The following PARD3 variants were observed in gnomAD, a reference collection of about 807,000 sequenced individuals.
PARD3 encodes partitioning defective 3 homolog.
Under a neutral mutation model 155.4 loss-of-function variants are expected in PARD3, and 75 were observed. That is an observed-to-expected ratio of 0.48 (90% CI 0.40 to 0.58). The LOEUF is 0.58. Ranked by LOEUF, PARD3 falls within the 20% of genes least tolerant of loss-of-function variation. The probability of loss-of-function intolerance (pLI) is 0.00; values close to 1 mark genes in which losing one functional copy is unlikely to be tolerated. For synonymous variants in PARD3, 576 were observed against 610.5 expected (o/e 0.94, Z 0.83); for missense variants, 1,642 against 1,721.7 (o/e 0.95, Z 0.82).
At chr10:34,560,738 T>C (rs959021624) in intron 2 of PARD3, among the ~76,000 whole-genome samples, 1 of 152,210 alleles carries the variant, frequency 6.6e-6, no homozygotes, top group Non-Finnish European at 1.5e-5. Context: ...GCAGAAACCA[T>C]GGCGTGTCCA....
chr10:34,123,143 A>G (rs1947094824), intron 23 of PARD3, among the ~76,000 whole-genome samples: 1 of 152,186 alleles, frequency 6.6e-6, no homozygotes, highest in Non-Finnish European at 1.5e-5. Context: ...CCTTTTAAAT[A>G]AAAAAAAAAC....
intron 1 of PARD3, among the ~76,000 whole-genome samples, chr10:34,785,892 A>G (rs149307197): frequency 6.6e-6 from 1 of 152,352 alleles, no homozygotes; most frequent in African/African-American, 2.4e-5. Context: ...ACAGAACCCT[A>G]GTTCAAAGAA....
At chr10:34,653,964 C>T (rs578001116) in intron 2 of PARD3, among the ~76,000 whole-genome samples, 2 of 152,222 alleles carry the variant, frequency 1.3e-5, no homozygotes, top group African/African-American at 4.8e-5. Flanking sequence ...TGCCCATGTA[C>T]ACAGACATGC....
intron 22 of PARD3, among the ~76,000 whole-genome samples, chr10:34,157,152 A>G (rs1246749404): frequency 6.6e-6 from 1 of 152,244 alleles, no homozygotes; most frequent in East Asian, 1.9e-4. Context: ...AGATCTGCAC[A>G]CTTGCTAGGG....
rs143082327 is a variant in PARD3 at position 34,759,885 on chromosome 10, C to A, written c.120+54991G>T. Among the ~76,000 whole-genome samples the A allele has an allele frequency of 9.1e-4, 138 of 152,316 alleles. 1 individual carries two copies. Among genetic ancestry groups the A allele is most frequent in the African/African-American group, 3.2e-3 (131 of 41,570 alleles). On this transcript the variant is annotated intron_variant, in intron 1 of 24. Transcript: ENST00000374788. ...GTGAAAAGCTCTGCACATACTGCTG[C>A]GCTTTCTGATTTTTGTCTACTTTAT... is the stretch of plus-strand genomic sequence containing the variant.
At chr10:34,786,140 T>C (rs1253543064) in intron 1 of PARD3, among the ~76,000 whole-genome samples, 2 of 152,216 alleles carry the variant, frequency 1.3e-5, no homozygotes, top group Non-Finnish European at 2.9e-5. Context: ...AATACAGAAC[T>C]CTGACAACTT....
chr10:34,486,642 G>C (rs1394712592), intron 3 of PARD3, among the ~76,000 whole-genome samples: 2 of 152,166 alleles, frequency 1.3e-5, no homozygotes, highest in African/African-American at 2.4e-5. Flanking sequence ...TTCTAAGTCA[G>C]AGACTGTCAA....
intron 2 of PARD3, among the ~76,000 whole-genome samples, chr10:34,677,697 A>G (rs960874932): frequency 2.0e-5 from 3 of 152,162 alleles, no homozygotes; most frequent in Non-Finnish European, 2.9e-5. Flanking sequence ...ACCTATCTGT[A>G]ATGCTGCAAG....
chr10:34,132,269 T>C (rs1029362458), intron 22 of PARD3, among the ~76,000 whole-genome samples: 3 of 152,218 alleles, frequency 2.0e-5, no homozygotes, highest in African/African-American at 4.8e-5. Context: ...TTTTGTTTTA[T>C]TCTCAGAAAT....
At chr10:34,616,272 G>A (rs1485903580) in intron 2 of PARD3, among the ~76,000 whole-genome samples, 15 of 151,964 alleles carry the variant, frequency 9.9e-5, no homozygotes, top group Non-Finnish European at 1.6e-4. Context: ...AGCTAAGATC[G>A]TGCTACTGCA....
Position 34,264,747 on chromosome 10 carries a change from A to AT in PARD3, c.3419+4909dup, listed in dbSNP as rs71523323. Among the ~76,000 whole-genome samples the AT allele has an allele frequency of 3.6e-3, 524 of 145,350 alleles. 4 individuals carry two copies. The East Asian group carries it at 0.043, about 12-fold the overall frequency. ...CTCTGCTAGCCAGAAAAAAACTGGGATTTTTTTTTTTTTTTTTTAAGAGAC... is the reference window on the plus strand; with the variant it reads ...CTCTGCTAGCCAGAAAAAAACTGGGATTTTTTTTTTTTTTTTTTTAAGAGAC... On this transcript the variant is annotated intron_variant, in intron 22 of 24. Transcript: ENST00000374788.
chr10:34,350,135 A>T (rs1326730081), intron 14 of PARD3, among the ~76,000 whole-genome samples: 2 of 152,206 alleles, frequency 1.3e-5, no homozygotes, highest in African/African-American at 4.8e-5. Context: ...AATTTCTTTT[A>T]AAAAAACTGA....
At position 34,284,252 on chromosome 10, in the gene PARD3, A is replaced by G. The variant is rs991055211; in HGVS notation, c.3066-7T>C. On this transcript the variant is annotated splice_region_variant and splice_polypyrimidine_tract_variant and intron_variant, in intron 20 of 24. Coordinates refer to ENST00000374788, the MANE Select transcript of PARD3 (RefSeq NM_001184785.2). ...TTTTCGATGTTTGCCAAACCTGTTA[A>G]TAACAAAAAATTCTAACTTGTCAAT... 1 of 1,542,016 alleles carries G rather than the reference A, an allele frequency of 6.5e-7. No individual in the cohort carries two copies. Among genetic ancestry groups the G allele is most frequent in the African/African-American group, 1.4e-5 (1 of 73,062 alleles).
intron 22 of PARD3, among the ~76,000 whole-genome samples, chr10:34,193,907 G>T (rs1022343600): frequency 6.6e-6 from 1 of 152,114 alleles, no homozygotes; most frequent in Non-Finnish European, 1.5e-5. Context: ...CAAACTACGG[G>T]GTGCTCCTCC....
At chr10:34,467,683 T>C (rs1025230920) in intron 4 of PARD3, among the ~76,000 whole-genome samples, 9 of 151,982 alleles carry the variant, frequency 5.9e-5, no homozygotes, top group South Asian at 4.2e-4. Context: ...GAGGTAGAAG[T>C]TGTAGTGAGC....
intron 2 of PARD3, among the ~76,000 whole-genome samples, chr10:34,616,692 C>A (rs973107620): frequency 2.0e-5 from 3 of 152,214 alleles, no homozygotes; most frequent in African/African-American, 7.2e-5. Flanking sequence ...AATCCCAGCA[C>A]TTTTTGGGAG....
intron 4 of PARD3, 38 bp from the exon 5 acceptor site, chr10:34,450,486 C>A (rs976628550): frequency 6.3e-7 from 1 of 1,585,338 alleles, no homozygotes; most frequent in Non-Finnish European, 8.6e-7. Context: ...TTGTAAAAAA[C>A]CAGACCTTGC....
intron 18 of PARD3, 74 bp downstream of exon 18, chr10:34,336,125 T>C (rs1589221838): frequency 1.6e-5 from 17 of 1,060,756 alleles, no homozygotes; most frequent in Middle Eastern, 4.0e-4. Flanking sequence ...TGGCATATGA[T>C]TGGCAGCTCT....
intron 1 of PARD3, among the ~76,000 whole-genome samples, chr10:34,742,930 C>T (rs1007729663): frequency 6.6e-6 from 1 of 152,120 alleles, no homozygotes; most frequent in Non-Finnish European, 1.5e-5. Context: ...GCAGGAGCTT[C>T]GGAGTCACAC....
Sources: allele counts gnomAD v4.1 joint callset (sites outside exome capture counted in the v4.1 genomes callset), GRCh38; gene constraint gnomAD v4.1.1; transcripts MANE v1.5; gene names NCBI Gene and HGNC (gene_info 2026-07-23, HGNC 2026-07-21).